Variants in C2CD3 observed in about 807,000 individuals in gnomAD.
The protein encoded by C2CD3 is C2 domain containing 3 centriole elongation regulator.
A neutral mutation model predicts 234.0 loss-of-function variants in C2CD3; 148 were observed. That is an observed-to-expected ratio of 0.63 (90% CI 0.55 to 0.72). C2CD3 has a LOEUF of 0.72. Among genes scored for constraint, C2CD3 ranks in the 30% least tolerant of loss-of-function variants. C2CD3 has a pLI of 0.00. For missense variants in C2CD3, 2,577 were observed against 2,811.5 expected (o/e 0.92, Z 1.89); for synonymous variants, 1,000 against 1,035.4 (o/e 0.97, Z 0.66).
intron 3 of C2CD3, among the ~76,000 whole-genome samples, chr11:74,150,561 A>T (rs552966378): frequency 1.0e-4 from 13 of 128,082 alleles, no homozygotes; most frequent in African/African-American, 4.2e-4. Flanking sequence ...AAACATATAA[A>T]ATTAGAAAAA....
At position 74,033,332 on chromosome 11, in the gene C2CD3, G is replaced by C; in HGVS notation, c.6809+19C>G. ...AAGTACCTGCATCCAAACCACTTGT[G>C]GGAAATGCCAAAGGATACAGCAGGA... On this transcript the variant is annotated intron_variant, in intron 31 of 32. Coordinates refer to ENST00000334126, the MANE Select transcript of C2CD3 (RefSeq NM_001286577.2). 1 of 1,531,534 alleles carries C rather than the reference G, an allele frequency of 6.5e-7. No homozygotes were observed. Among genetic ancestry groups the C allele is most frequent in the Non-Finnish European group, 8.7e-7 (1 of 1,143,814 alleles). The allele number at this position is 1,531,534 out of a possible 1,614,324, so 94.9% of individuals were successfully genotyped here. A position where few individuals can be genotyped will look rare whatever the true frequency, so the allele number is the denominator to read the frequency against.
At position 74,078,501 on chromosome 11, in the gene C2CD3, G is replaced by A. The variant is rs994731082; in HGVS notation, c.4217C>T (p.Thr1406Ile). The stretch of plus-strand genomic sequence containing the variant: ...CAGCCTTGGGGTGGAGATGGTGACA[G>A]TGGCTGGCTCCCCTTCATCCATTCT... The part of the protein sequence containing the change: ...FVRMDEGEPA[T>I]VTISTPRLWL... Residue 1406 changes from threonine (T) to isoleucine (I), a missense_variant, in exon 23 of 33, where the codon ACT becomes ATT. Physicochemically the swap from Thr to Ile is moderately conservative, Grantham distance 89 (BLOSUM62 -1). Coordinates refer to ENST00000334126, the MANE Select transcript of C2CD3 (RefSeq NM_001286577.2). 4.3e-6 allele frequency: 7 copies of A among 1,614,082 alleles called. No individual in the cohort carries two copies. The highest frequency in any genetic ancestry group is 2.7e-5 in the African/African-American group (2 of 74,928).
rs370723938 is a variant in C2CD3, at chr11:74,127,926, G to A, written c.1218-4791C>T. On this transcript the variant is annotated intron_variant, in intron 7 of 32. Transcript: ENST00000334126. ...CGCCCAGGCTGGAGTGTAGTGGCGC[G>A]ATCTCGGCTCACTGCAAGCTCCGCC... Among the ~76,000 whole-genome samples, 35 of 151,740 alleles carry A rather than the reference G, an allele frequency of 2.3e-4. 1 individual carries two copies. In the East Asian group the frequency reaches 5.8e-3, roughly 25 times the overall value.
chr11:74,134,088 T>C (rs879293498), intron 5 of C2CD3, among the ~76,000 whole-genome samples: 6 of 152,242 alleles, frequency 3.9e-5, no homozygotes, highest in Admixed American at 3.9e-4. Flanking sequence ...AGAATACACT[T>C]ATGGAATGTT....
rs1421520719 is a variant in C2CD3 at position 74,057,459 on chromosome 11, G to A, written c.5037C>T (p.Thr1679=). ...ATADESSPVY[T]QVVENTDSPI... ...GGGAATCTGTGTTTTCAACCACTTG[G>A]GTGTATACAGGAGATGACTCATCGG... The change falls in exon 25 of 33, where the codon ACC becomes ACT. Residue 1679 remains threonine (T), a synonymous_variant. Coordinates refer to ENST00000334126, the MANE Select transcript of C2CD3 (RefSeq NM_001286577.2). 1 of 1,613,890 alleles carries A rather than the reference G, an allele frequency of 6.2e-7. No homozygotes were observed. The highest frequency in any genetic ancestry group is 1.1e-5 in the South Asian group (1 of 91,074).
At chr11:74,115,741 T>A (rs535128218) in intron 9 of C2CD3, among the ~76,000 whole-genome samples, 22 of 152,236 alleles carry the variant, frequency 1.4e-4, no homozygotes, top group Non-Finnish European at 2.8e-4. Flanking sequence ...AAGGCCACAG[T>A]CACCAAAACA....
chr11:74,017,172 A>G (rs2135398536), intron 32 of C2CD3, among the ~76,000 whole-genome samples: 1 of 152,210 alleles, frequency 6.6e-6, no homozygotes, highest in Admixed American at 6.5e-5. Flanking sequence ...GAAGTTCCAG[A>G]ATGTCTGGGG....
intron 5 of C2CD3, among the ~76,000 whole-genome samples, chr11:74,133,896 T>C (rs546715239): frequency 8.8e-4 from 134 of 152,296 alleles, no homozygotes; most frequent in African/African-American, 3.2e-3. Context: ...ATATTGTTTT[T>C]GTATCCAGAT....
At chr11:74,142,951 G>A (rs1854905341) in intron 3 of C2CD3, among the ~76,000 whole-genome samples, 1 of 152,084 alleles carries the variant, frequency 6.6e-6, no homozygotes, top group African/African-American at 2.4e-5. Flanking sequence ...CCACTTTAAT[G>A]AAACATTTTT....
chr11:74,021,898 G>A (rs544192523), intron 32 of C2CD3, among the ~76,000 whole-genome samples: 1 of 152,292 alleles, frequency 6.6e-6, no homozygotes, highest in Admixed American at 6.5e-5. Context: ...AGCTGAGGCG[G>A]GCAGATCACT....
chr11:74,053,228 T>C (rs557785796), intron 26 of C2CD3, among the ~76,000 whole-genome samples: 1 of 152,336 alleles, frequency 6.6e-6, no homozygotes, highest in South Asian at 2.1e-4. Flanking sequence ...CTAATTTTAT[T>C]TTTACCGTCA....
intron 19 of C2CD3, among the ~76,000 whole-genome samples, chr11:74,091,894 T>G (rs1336062595): frequency 6.6e-6 from 1 of 152,160 alleles, no homozygotes; most frequent in African/African-American, 2.4e-5. Context: ...GTGTATATTC[T>G]ATACTCATTT....
chr11:74,106,390 G>C lies in C2CD3; in HGVS notation c.2066C>G (p.Ser689Cys). Reference sequence around the variant, plus strand: ...ACATACCTTGAGGGGGCCAAATGGAGACTGACCATTTTCTTGTTGCACTGG... The same window carrying C: ...ACATACCTTGAGGGGGCCAAATGGACACTGACCATTTTCTTGTTGCACTGG... ...QLPVQQENGQ[S>C]PFGPLKVTME... Residue 689 changes from serine (S) to cysteine (C), a missense_variant, in exon 13 of 33, where the codon TCT becomes TGT. Physicochemically the swap from Ser to Cys is moderately radical, Grantham distance 112. Transcript: ENST00000334126. The C allele has an allele frequency of 6.2e-7, 1 of 1,614,040 alleles. No individual in the cohort carries two copies. The highest frequency in any genetic ancestry group is 2.2e-5 in the East Asian group (1 of 44,872).
chr11:74,170,996 A>G lies in C2CD3; in HGVS notation c.-204T>C, dbSNP rs1429213551. ...GGCGCCAAGACGCCTTCCCTCCAAT[A>G]CACTACAATACCCAGGACGCTTTGC... On this transcript the variant is annotated 5_prime_UTR_variant, in exon 1 of 33. Transcript: ENST00000334126. 3 of 1,200,766 alleles carry G rather than the reference A, an allele frequency of 2.5e-6. No individual in the cohort carries two copies. The highest frequency in any genetic ancestry group is 2.6e-4 in the Middle Eastern group (1 of 3,864). The allele number at this position is 1,200,766 out of a possible 1,614,324, so 74.4% of individuals were successfully genotyped here. A position where few individuals can be genotyped will look rare whatever the true frequency, so the allele number is the denominator to read the frequency against.
intron 7 of C2CD3, chr11:74,129,438 G>C (rs578089330): frequency 5.6e-6 from 1 of 179,234 alleles, no homozygotes; most frequent in East Asian, 1.8e-4. Context: ...TCCCAGACGG[G>C]GCGGCGGGGC....
chr11:74,146,491 A>T (rs1013220842), intron 3 of C2CD3, among the ~76,000 whole-genome samples: 4 of 152,342 alleles, frequency 2.6e-5, no homozygotes, highest in African/African-American at 9.6e-5. Flanking sequence ...TGTGATGCTC[A>T]TGACAAACAT....
intron 29 of C2CD3, among the ~76,000 whole-genome samples, chr11:74,040,280 AC>A (rs1195374656): frequency 2.0e-5 from 3 of 149,958 alleles, no homozygotes; most frequent in Non-Finnish European, 4.4e-5. Flanking sequence ...ACCACCCCCC[AC>A]CCCCAACCCC....
At chr11:74,043,121 A>G (rs1953155181) in intron 28 of C2CD3, among the ~76,000 whole-genome samples, 1 of 152,228 alleles carries the variant, frequency 6.6e-6, no homozygotes, top group Non-Finnish European at 1.5e-5. Flanking sequence ...ACCACTCACA[A>G]AACAACCTCA....
intron 22 of C2CD3, among the ~76,000 whole-genome samples, chr11:74,083,819 AT>A (rs1955510230): frequency 6.6e-6 from 1 of 152,216 alleles, no homozygotes; most frequent in Non-Finnish European, 1.5e-5. Context: ...ATGTGGAGAA[AT>A]AGGAACGCTT....
Sources: allele counts gnomAD v4.1 joint callset (sites outside exome capture counted in the v4.1 genomes callset), GRCh38; gene constraint gnomAD v4.1.1; transcripts MANE v1.5; gene names NCBI Gene and HGNC (gene_info 2026-07-23, HGNC 2026-07-21).